The following CACNA1C variants were observed in gnomAD, a reference collection of about 807,000 sequenced individuals.
The protein encoded by CACNA1C is calcium voltage-gated channel subunit alpha1 C, also known as voltage-dependent L-type calcium channel subunit alpha-1C.
Under a neutral mutation model 229.0 loss-of-function variants are expected in CACNA1C, and 30 were observed. The observed-to-expected ratio is 0.13, with a 90% CI of 0.10 to 0.18. The LOEUF (loss-of-function observed/expected upper bound fraction) is 0.18. CACNA1C is among the 10% of genes least tolerant of loss of function. The pLI, the probability that CACNA1C is intolerant of heterozygous loss-of-function variation, is 1.00. For synonymous variants in CACNA1C, 1,114 were observed against 1,132.5 expected (o/e 0.98, Z 0.33); for missense variants, 1,658 against 2,845.0 (o/e 0.58, Z 9.49).
intron 3 of CACNA1C, among the ~76,000 whole-genome samples, chr12:2,146,208 G>A (rs2094691403): frequency 6.6e-6 from 1 of 151,030 alleles, no homozygotes; most frequent in Admixed American, 6.7e-5. Context: ...TGATCAGACT[G>A]GGGAGACAAG....
Position 2,665,855 on chromosome 12 carries a change from G to A in CACNA1C, c.4526+147G>A. On this transcript the variant is annotated intron_variant, in intron 36 of 46. Transcript: ENST00000399655. The surrounding 1 kb of genome is among the most constrained non-coding windows in gnomAD (Gnocchi z 5.9). ...TCACACCCTAGGGTGAAAGGTCAAGGGCCAGCAGGAGGAGGCCCGGCACCT... is the reference window on the plus strand; with the variant it reads ...TCACACCCTAGGGTGAAAGGTCAAGAGCCAGCAGGAGGAGGCCCGGCACCT... 1.2e-6 allele frequency: 1 copy of A among 801,530 alleles called. No individual in the cohort carries two copies. The highest frequency in any genetic ancestry group is 2.2e-5 in the South Asian group (1 of 46,044). The allele number at this position is 801,530 out of a possible 1,614,324, so 49.7% of individuals were successfully genotyped here.
At chr12:2,385,234 T>G (rs960476348) in intron 3 of CACNA1C, among the ~76,000 whole-genome samples, 1 of 152,176 alleles carries the variant, frequency 6.6e-6, no homozygotes, top group Non-Finnish European at 1.5e-5. Flanking sequence ...AGGGATCTGC[T>G]TGAGCTCCCT....
At chr12:2,540,625 G>A (rs542651891) in intron 9 of CACNA1C, among the ~76,000 whole-genome samples, 1 of 152,288 alleles carries the variant, frequency 6.6e-6, no homozygotes, top group Admixed American at 6.5e-5. Flanking sequence ...GGACTGTGCT[G>A]ACAAAGACAG....
At chr12:2,391,635 C>CT (rs926075861) in intron 3 of CACNA1C, among the ~76,000 whole-genome samples, 6 of 152,154 alleles carry the variant, frequency 3.9e-5, no homozygotes. Flanking sequence ...CCTACTCCTT[C>CT]TGAGTGCTTG....
intron 38 of CACNA1C, among the ~76,000 whole-genome samples, chr12:2,671,083 C>T (rs945619444): frequency 5.9e-5 from 9 of 151,442 alleles, no homozygotes; most frequent in East Asian, 2.0e-4. Context: ...GGCACAATCT[C>T]GGCCTGCTGC....
At chr12:2,286,316 G>A (rs558785200) in intron 3 of CACNA1C, among the ~76,000 whole-genome samples, 1 of 152,326 alleles carries the variant, frequency 6.6e-6, no homozygotes, top group African/African-American at 2.4e-5. Flanking sequence ...ATTATCCTAG[G>A]CTCTGGCCTA....
At chr12:2,531,676 C>A (rs1273907229) in intron 9 of CACNA1C, among the ~76,000 whole-genome samples, 1 of 152,206 alleles carries the variant, frequency 6.6e-6, no homozygotes, top group Non-Finnish European at 1.5e-5. Context: ...CTCTGGACAG[C>A]TTCTCTGCCA....
chr12:2,384,409 C>T (rs1423566168), intron 3 of CACNA1C, among the ~76,000 whole-genome samples: 3 of 152,086 alleles, frequency 2.0e-5, no homozygotes, highest in East Asian at 3.8e-4. Context: ...GTCGTGGATT[C>T]GGAACTGAGC....
Position 2,410,763 on chromosome 12 carries a change from A to C in CACNA1C, c.478-38213A>C, listed in dbSNP as rs1254708276. Among the ~76,000 whole-genome samples, 1 of 139,040 alleles carries C rather than the reference A, an allele frequency of 7.2e-6. No homozygotes were observed. Among genetic ancestry groups the C allele is most frequent in the Non-Finnish European group, 1.5e-5 (1 of 65,470 alleles). 91.2% of individuals were successfully genotyped at this position (139,040 alleles called of 152,430 possible). ...ATGCGTGTGTGTATTCCAGGAGCTG[A>C]CTCTAGTTGTCAGGATGGCTCCCCT... is the stretch of plus-strand genomic sequence containing the variant. On this transcript the variant is annotated intron_variant, in intron 3 of 46. Coordinates refer to ENST00000399655, the MANE Select transcript of CACNA1C (RefSeq NM_000719.7). This position sits in a 1 kb window ranked among gnomAD's most constrained non-coding sequence, Gnocchi z 5.3.
intron 3 of CACNA1C, among the ~76,000 whole-genome samples, chr12:2,289,481 A>G (rs755650713): frequency 8.5e-5 from 13 of 152,164 alleles, no homozygotes; most frequent in Admixed American, 2.0e-4. Flanking sequence ...TGCAGAGTCT[A>G]TTAAATGTGT....
At chr12:2,283,528 A>C (rs2091976543) in intron 3 of CACNA1C, among the ~76,000 whole-genome samples, 1 of 152,112 alleles carries the variant, frequency 6.6e-6, no homozygotes, top group Non-Finnish European at 1.5e-5. Context: ...TGTCCTGTAT[A>C]CTCACTGGAT....
chr12:2,154,544 G>T (rs2154221949), intron 3 of CACNA1C, among the ~76,000 whole-genome samples: 1 of 152,294 alleles, frequency 6.6e-6, no homozygotes, highest in South Asian at 2.1e-4. Flanking sequence ...TGGGGTTAGG[G>T]CTCAGGGGTC....
At chr12:2,007,454 G>T (rs12316650) in intron 1 of CACNA1C, among the ~76,000 whole-genome samples, 47,122 of 152,080 alleles carry the variant, frequency 0.31, 7,499 homozygotes, top group East Asian at 0.51. Flanking sequence ...CAATTGCAAA[G>T]CATTTATGGA....
At chr12:2,472,406 T>G (rs2099598134) in intron 5 of CACNA1C, among the ~76,000 whole-genome samples, 1 of 152,198 alleles carries the variant, frequency 6.6e-6, no homozygotes, top group African/African-American at 2.4e-5. Flanking sequence ...ATTAAGCCTA[T>G]TCATAATTTT....
chr12:2,475,983 T>C (rs990741366), intron 5 of CACNA1C, among the ~76,000 whole-genome samples: 2 of 152,204 alleles, frequency 1.3e-5, no homozygotes, highest in African/African-American at 2.4e-5. Flanking sequence ...ATCTTTTGTA[T>C]GTATATTTCA....
intron 9 of CACNA1C, among the ~76,000 whole-genome samples, chr12:2,540,347 A>T (rs1158029880): frequency 6.6e-6 from 1 of 151,960 alleles, no homozygotes; most frequent in Admixed American, 6.5e-5. Context: ...TAAAATTCTC[A>T]CCGACTCCGG....
chr12:1,980,490 T>C (rs938151241), intron 1 of CACNA1C, among the ~76,000 whole-genome samples: 2 of 152,080 alleles, frequency 1.3e-5, no homozygotes, highest in African/African-American at 4.8e-5. Context: ...GAGTCAGATA[T>C]ATGTACATGT....
At chr12:2,505,219 C>A (rs1463894402) in intron 8 of CACNA1C, among the ~76,000 whole-genome samples, 3 of 152,118 alleles carry the variant, frequency 2.0e-5, no homozygotes, top group African/African-American at 7.2e-5. Flanking sequence ...GCAGGCAGGG[C>A]ACTTCTCCTT....
chr12:2,642,040 TGA>T (rs2093770572), intron 30 of CACNA1C, among the ~76,000 whole-genome samples: 2 of 152,152 alleles, frequency 1.3e-5, no homozygotes, highest in Non-Finnish European at 2.9e-5. Context: ...GAGACGGGCC[TGA>T]GAAGTGGCCT....
Sources: gnomAD v4.1 joint callset for allele counts (sites outside exome capture counted in the v4.1 genomes callset) on GRCh38, gnomAD v4.1.1 for gene constraint, Gnocchi (gnomAD v3.1) non-coding constraint, MANE v1.5 for transcripts, NCBI Gene and HGNC (gene_info 2026-07-23, HGNC 2026-07-21) for gene names.